DUSP11: variants seen among roughly 807,000 people sequenced by gnomAD.
DUSP11 encodes the protein dual specificity phosphatase 11.
In DUSP11, 27 loss-of-function variants were observed where a neutral mutation model predicts 41.4. The observed-to-expected ratio is 0.65, with a 90% CI of 0.48 to 0.90. DUSP11 has a LOEUF of 0.90. Among genes scored for constraint, DUSP11 ranks in the 40% least tolerant of loss-of-function variants. The pLI, the probability that DUSP11 is intolerant of heterozygous loss-of-function variation, is 0.00. For missense variants in DUSP11, 465 were observed against 461.1 expected, an observed-to-expected ratio of 1.01 and a Z score of -0.08; for synonymous variants, 188 against 159.3, an observed-to-expected ratio of 1.18 and a Z score of -1.35.
chr2:73,779,597 A>G (rs1303711946), intron 1 of DUSP11: 5 of 515,100 alleles, frequency 9.7e-6, no homozygotes, highest in South Asian at 4.6e-5. Context: ...AGTGTCCCCA[A>G]CAGTAACAGT....
At chr2:73,762,254 T>C (rs1672381501) in exon 9 of DUSP11, 2 of 153,022 alleles carry the variant, frequency 1.3e-5, no homozygotes, top group African/African-American at 4.8e-5. Flanking sequence ...TGAACAGTTA[T>C]AGAAAATAAA....
intron 4 of DUSP11, among the ~76,000 whole-genome samples, chr2:73,772,112 G>A (rs575268801): frequency 3.9e-5 from 6 of 152,236 alleles, no homozygotes; most frequent in South Asian, 4.1e-4. Flanking sequence ...GAGCCACCGC[G>A]CCCAGCCTAA....
intron 2 of DUSP11, 23 bp downstream of exon 2, chr2:73,778,278 A>C (rs1362717155): frequency 6.5e-7 from 1 of 1,541,964 alleles, no homozygotes; most frequent in Non-Finnish European, 8.8e-7. Flanking sequence ...GCCTGAAAGA[A>C]TACTGAATTA....
exon 1 of DUSP11, chr2:73,780,134 AT>A (rs1215272205): frequency 7.1e-6 from 11 of 1,552,642 alleles, no homozygotes; most frequent in Non-Finnish European, 9.6e-6. Flanking sequence ...GCCGGTCGTG[AT>A]GGCGTAGCCA....
chr2:73,776,933 T>TA (rs1475178558), intron 2 of DUSP11, among the ~76,000 whole-genome samples: 2 of 152,204 alleles, frequency 1.3e-5, no homozygotes, highest in African/African-American at 2.4e-5. Context: ...TATCCACCCT[T>TA]AGAGTATCAC....
At chr2:73,771,434 A>G (rs1328365848) in intron 4 of DUSP11, among the ~76,000 whole-genome samples, 1 of 148,894 alleles carries the variant, frequency 6.7e-6, no homozygotes. Context: ...GCCTTCCTCA[A>G]TCTCTCCTCT....
chr2:73,767,145 C>T lies in DUSP11; in HGVS notation c.682+16G>A, dbSNP rs949343170. ...CTTTAATAAAAGGGAAAAATAGTGT[C>T]AACCCTCATACTTACATTCAATTGC... is the stretch of plus-strand genomic sequence containing the variant. On this transcript the variant is annotated intron_variant, in intron 6 of 8. Transcript: ENST00000272444. 2.1e-5 allele frequency: 33 copies of T among 1,601,102 alleles called. No homozygotes were observed. The highest frequency in any genetic ancestry group is 2.7e-5 in the Non-Finnish European group (32 of 1,170,574).
rs762735685 is a variant in DUSP11 at position 73,778,390 on chromosome 2, T to G, written c.243-14A>C. The G allele has an allele frequency of 7.5e-6, 11 of 1,472,686 alleles. No individual in the cohort carries two copies. The highest frequency in any genetic ancestry group is 1.0e-5 in the Non-Finnish European group (11 of 1,105,034). The allele number at this position is 1,472,686 out of a possible 1,614,324, so 91.2% of individuals were successfully genotyped here. ...TAGTCTTTCCACCTATTAGATATAT[T>G]TTTTGTTAGCCAAATTGTATGTTAG... On this transcript the variant is annotated splice_polypyrimidine_tract_variant and intron_variant, in intron 1 of 8. Transcript: ENST00000272444.
intron 4 of DUSP11, among the ~76,000 whole-genome samples, chr2:73,770,101 C>T (rs187987981): frequency 2.7e-5 from 4 of 149,850 alleles, no homozygotes; most frequent in Admixed American, 1.3e-4. Flanking sequence ...ACTTTCCAAC[C>T]TGGCCAACAT....
At position 73,780,111 on chromosome 2, in the gene DUSP11, C is replaced by A. The variant is rs749876793; in HGVS notation, c.5G>T (p.Arg2Leu). 1.3e-6 allele frequency: 2 copies of A among 1,557,594 alleles called. No homozygotes were observed. Among genetic ancestry groups the A allele is most frequent in the South Asian group, 2.3e-5 (2 of 86,048 alleles). The change falls in exon 1 of 9, where the codon CGC becomes CTC. Residue 2 changes from arginine (R) to leucine (L), a missense_variant. Coordinates refer to ENST00000272444, the Ensembl canonical transcript of DUSP11. ...GCCGCGCTCCAGCGTCTCGCTATTGCGCATGTGCCACCGCCGGTCGTGATG... is the reference window on the plus strand; with the variant it reads ...GCCGCGCTCCAGCGTCTCGCTATTGAGCATGTGCCACCGCCGGTCGTGATG...
intron 8 of DUSP11, among the ~76,000 whole-genome samples, chr2:73,765,524 G>A (rs1049259121): frequency 6.6e-6 from 1 of 151,872 alleles, no homozygotes; most frequent in South Asian, 2.1e-4. Flanking sequence ...CTGATACCCC[G>A]AATAAAAAAG....
chr2:73,765,930 A>G (rs1672451435), intron 8 of DUSP11, among the ~76,000 whole-genome samples: 1 of 152,208 alleles, frequency 6.6e-6, no homozygotes, highest in Non-Finnish European at 1.5e-5. Context: ...GAAAAGTCAC[A>G]TATTCCCTGT....
chr2:73,764,371 C>A (rs1159646162), intron 8 of DUSP11, among the ~76,000 whole-genome samples: 1 of 152,102 alleles, frequency 6.6e-6, no homozygotes, highest in Non-Finnish European at 1.5e-5. Flanking sequence ...CCCAAGCAGT[C>A]CTCCCACCTT....
intron 2 of DUSP11, among the ~76,000 whole-genome samples, chr2:73,776,413 CA>C (rs70965758): frequency 0.019 from 1,894 of 99,390 alleles, 30 homozygotes; most frequent in African/African-American, 0.071. Context: ...GACACCATCT[CA>C]AAAAAAAAAA....
Position 73,769,205 on chromosome 2 carries a change from T to G in DUSP11, c.635+60A>C, listed in dbSNP as rs192245555. 34 of 1,442,474 alleles carry G rather than the reference T, an allele frequency of 2.4e-5. No individual in the cohort carries two copies. The East Asian group carries it at 5.7e-4, about 24-fold the overall frequency. 89.4% of individuals were successfully genotyped at this position (1,442,474 alleles called of 1,614,324 possible). On this transcript the variant is annotated intron_variant, in intron 5 of 8. Coordinates refer to ENST00000272444, the Ensembl canonical transcript of DUSP11. ...AGTTCCATTTTTTACAACCTTACAT[T>G]ACCATTGTAAACAGACAAAAACAAT...
intron 1 of DUSP11, among the ~76,000 whole-genome samples, chr2:73,778,875 G>A (rs919239860): frequency 1.3e-5 from 2 of 152,118 alleles, no homozygotes; most frequent in Non-Finnish European, 1.5e-5. Flanking sequence ...GGCCGGGCGC[G>A]GTGGCTCACG....
chr2:73,771,157 G>A (rs909925902), intron 4 of DUSP11, among the ~76,000 whole-genome samples: 9 of 151,984 alleles, frequency 5.9e-5, no homozygotes, highest in African/African-American at 1.7e-4. Context: ...TTCTCTCCCC[G>A]ACTAGAATGT....
rs148220781 is a variant in DUSP11 at position 73,773,963 on chromosome 2, T to C, written c.451-40A>G. The stretch of plus-strand genomic sequence containing the variant: ...CATAAAAGATGTGTATTATTTCACT[T>C]GTAGAGAAATAATTAAAGAGTAATT... On this transcript the variant is annotated intron_variant, in intron 3 of 8. Coordinates refer to ENST00000272444, the Ensembl canonical transcript of DUSP11. 7.4e-6 allele frequency: 11 copies of C among 1,481,514 alleles called. No homozygotes were observed. In the South Asian group the frequency reaches 1.3e-4, roughly 18 times the overall value. The allele number at this position is 1,481,514 out of a possible 1,614,324, so 91.8% of individuals were successfully genotyped here. A position where few individuals can be genotyped will look rare whatever the true frequency, so the allele number is the denominator to read the frequency against.
intron 8 of DUSP11, 45 bp downstream of exon 8, chr2:73,766,373 T>C (rs1426800180): frequency 6.6e-7 from 1 of 1,512,434 alleles, no homozygotes; most frequent in South Asian, 1.2e-5. Context: ...ACTATAGTAT[T>C]AATTTCTATC....
Sources: gnomAD v4.1 joint callset for allele counts (sites outside exome capture counted in the v4.1 genomes callset) on GRCh38, gnomAD v4.1.1 for gene constraint, MANE v1.5 for transcripts, NCBI Gene and HGNC (gene_info 2026-07-23, HGNC 2026-07-21) for gene names.